Variants in HCRTR2 observed in about 807,000 individuals in gnomAD.
HCRTR2 encodes hypocretin receptor 2.
Under a neutral mutation model 49.0 loss-of-function variants are expected in HCRTR2, and 22 were observed. The observed-to-expected ratio is 0.45, with a 90% CI of 0.32 to 0.64. The LOEUF (loss-of-function observed/expected upper bound fraction) is 0.64, where lower values mean the gene tolerates loss of function less well. HCRTR2 is among the 30% of genes least tolerant of loss of function. HCRTR2 has a pLI of 0.04. For synonymous variants in HCRTR2, 236 were observed against 205.3 expected (o/e 1.15, Z -1.28); for missense variants, 491 against 559.4 (o/e 0.88, Z 1.23).
chr6:55,245,347 A>G (rs746645862), intron 1 of HCRTR2, among the ~76,000 whole-genome samples: 12 of 146,028 alleles, frequency 8.2e-5, no homozygotes, highest in Non-Finnish European at 1.7e-4. Flanking sequence ...CCTAGCATCT[A>G]CACAAGGGAA....
intron 1 of HCRTR2, among the ~76,000 whole-genome samples, chr6:55,160,920 T>C (rs1401424137): frequency 6.6e-6 from 1 of 152,090 alleles, no homozygotes; most frequent in Non-Finnish European, 1.5e-5. Flanking sequence ...ATTAAACAGA[T>C]CAATGAGACA....
chr6:55,134,047 T>C (rs892367295), intron 1 of HCRTR2, among the ~76,000 whole-genome samples: 2 of 151,840 alleles, frequency 1.3e-5, no homozygotes, highest in Non-Finnish European at 3.0e-5. Flanking sequence ...ACATTTCTTA[T>C]TTCTTTTCTT....
At chr6:55,277,732 A>T in intron 5 of HCRTR2, 132 bp downstream of exon 5, 1 of 719,906 alleles carries the variant, frequency 1.4e-6, no homozygotes, top group South Asian at 1.7e-5. Flanking sequence ...AGGCCAGATG[A>T]CTCAGTTATG....
downstream of HCRTR2, among the ~76,000 whole-genome samples, chr6:55,284,698 C>A (rs1021812568): frequency 8.6e-5 from 13 of 151,286 alleles, no homozygotes; most frequent in Middle Eastern, 6.8e-3. Flanking sequence ...AAAACAATTG[C>A]TACTGATAAA....
In HCRTR2 at chr6:55,277,444, G is replaced by A. The variant is rs756748911; in HGVS notation, c.827G>A (p.Arg276Gln). 4.3e-6 allele frequency: 7 copies of A among 1,614,064 alleles called. No homozygotes were observed. Among genetic ancestry groups the A allele is most frequent in the Non-Finnish European group, 5.9e-6 (7 of 1,179,994 alleles). ...WKPLQPVSQP[R>Q]GPGQPTKSRM... ...CCCCTGCAGCCTGTTTCACAGCCTC[G>A]AGGGCCAGGACAGCCAACGAAGTCC... is the stretch of plus-strand genomic sequence containing the variant. Residue 276 changes from arginine (R) to glutamine (Q), a missense_variant, in exon 5 of 7, where the codon CGA becomes CAA. Transcript: ENST00000370862.
intron 1 of HCRTR2, among the ~76,000 whole-genome samples, chr6:55,138,890 T>C (rs1303962311): frequency 6.6e-6 from 1 of 152,226 alleles, no homozygotes; most frequent in Non-Finnish European, 1.5e-5. Flanking sequence ...CTCTTCCAGA[T>C]GCTAGGAATA....
intron 1 of HCRTR2, among the ~76,000 whole-genome samples, chr6:55,130,604 T>C (rs1764342381): frequency 6.6e-6 from 1 of 151,878 alleles, no homozygotes; most frequent in Non-Finnish European, 1.5e-5. Context: ...ATCAATCCTC[T>C]ACTTACAATA....
chr6:55,246,118 G>C (rs1766438536), intron 1 of HCRTR2, among the ~76,000 whole-genome samples: 1 of 152,004 alleles, frequency 6.6e-6, no homozygotes. Context: ...AAGAAAATAG[G>C]AAGAGACTAA....
At chr6:55,262,279 A>G (rs909922137) in intron 3 of HCRTR2, among the ~76,000 whole-genome samples, 37 of 147,192 alleles carry the variant, frequency 2.5e-4, no homozygotes, top group African/African-American at 7.0e-4. Flanking sequence ...TTAAAAAAAT[A>G]CATACATACA....
chr6:55,255,509 A>G (rs560582609), intron 3 of HCRTR2, 130 bp downstream of exon 3: 26 of 1,039,058 alleles, frequency 2.5e-5, no homozygotes, highest in Non-Finnish European at 3.5e-5. Context: ...TTGCAAGAGC[A>G]TGAAAACCAA....
intron 1 of HCRTR2, among the ~76,000 whole-genome samples, chr6:55,181,016 T>G (rs1765124666): frequency 6.6e-6 from 1 of 151,282 alleles, no homozygotes; most frequent in Non-Finnish European, 1.5e-5. Context: ...CCATCTTGGC[T>G]AGGCTGGTCT....
At chr6:55,147,495 G>A (rs1256512939) in intron 1 of HCRTR2, among the ~76,000 whole-genome samples, 2 of 152,000 alleles carry the variant, frequency 1.3e-5, no homozygotes, top group African/African-American at 4.8e-5. Flanking sequence ...TTATGAAATA[G>A]GTACTGTTAC....
chr6:55,147,147 T>G (rs115383044), intron 1 of HCRTR2, among the ~76,000 whole-genome samples: 1,979 of 152,284 alleles, frequency 0.013, 47 homozygotes, highest in African/African-American at 0.045. Flanking sequence ...AATAAAGGTC[T>G]TTTAATTACT....
intron 4 of HCRTR2, among the ~76,000 whole-genome samples, chr6:55,275,548 A>G (rs1044555785): frequency 1.7e-4 from 21 of 123,112 alleles, no homozygotes; most frequent in African/African-American, 5.9e-4. Context: ...TAAAAAGGGC[A>G]TCACTACATT....
chr6:55,146,294 A>G (rs1262587204), intron 1 of HCRTR2, among the ~76,000 whole-genome samples: 2 of 152,338 alleles, frequency 1.3e-5, no homozygotes, highest in South Asian at 4.1e-4. Context: ...TAAAGGAAGG[A>G]CACTGGCATT....
chr6:55,133,727 C>T (rs1177666931), intron 1 of HCRTR2, among the ~76,000 whole-genome samples: 1 of 151,582 alleles, frequency 6.6e-6, no homozygotes, highest in Non-Finnish European at 1.5e-5. Flanking sequence ...GCATGTTTGT[C>T]TGTCTTGGTA....
chr6:55,161,721 T>C (rs1310717080), intron 1 of HCRTR2, among the ~76,000 whole-genome samples: 1 of 151,964 alleles, frequency 6.6e-6, no homozygotes, highest in African/African-American at 2.4e-5. Context: ...GCAAATAAAC[T>C]AGAAAACCTA....
intron 1 of HCRTR2, among the ~76,000 whole-genome samples, chr6:55,117,033 A>C (rs935514834): frequency 6.6e-6 from 1 of 151,836 alleles, no homozygotes; most frequent in South Asian, 2.1e-4. Flanking sequence ...CTACATGTAC[A>C]GTATGATGTC....
At chr6:55,259,015 C>A (rs1318600344) in intron 3 of HCRTR2, among the ~76,000 whole-genome samples, 1 of 152,160 alleles carries the variant, frequency 6.6e-6, no homozygotes, top group African/African-American at 2.4e-5. Flanking sequence ...CATGGCACTG[C>A]ACTCCAGCCT....
Sources: gnomAD v4.1 joint callset for allele counts (sites outside exome capture counted in the v4.1 genomes callset) on GRCh38, gnomAD v4.1.1 for gene constraint, MANE v1.5 for transcripts, NCBI Gene and HGNC (gene_info 2026-07-23, HGNC 2026-07-21) for gene names.